The following PAX7 variants were observed in gnomAD, a reference collection of about 807,000 sequenced individuals.
PAX7 encodes paired box 7, also known as paired box protein Pax-7.
A neutral mutation model predicts 50.7 loss-of-function variants in PAX7; 18 were observed. The ratio of observed to expected loss-of-function variants is 0.36; its 90% CI spans 0.25 to 0.53. PAX7 has a LOEUF of 0.53. Ranked by LOEUF, PAX7 falls within the 20% of genes least tolerant of loss-of-function variation. The pLI is 0.93. For synonymous variants in PAX7, 310 were observed against 290.4 expected (o/e 1.07, Z -0.69); for missense variants, 644 against 702.9 (o/e 0.92, Z 0.95).
chr1:18,707,741 G>A (rs1325477723), intron 7 of PAX7, among the ~76,000 whole-genome samples: 1 of 152,100 alleles, frequency 6.6e-6, no homozygotes, highest in Non-Finnish European at 1.5e-5. Context: ...CTGAATCTTA[G>A]TTACTTGTTC....
chr1:18,744,659 C>CGGATGGATGGATGGATGGATGGATGGAT (rs57915192), intron 8 of PAX7, among the ~76,000 whole-genome samples, 155 bp from the exon 9 acceptor site: 1 of 91,004 alleles, frequency 1.1e-5, no homozygotes, highest in Non-Finnish European at 2.2e-5. Context: ...GTAGACAGGA[C>CGGATGGATGGATGGATGGATGGATGGAT]GGATGGATGG....
intron 7 of PAX7, among the ~76,000 whole-genome samples, chr1:18,717,018 G>T (rs1235923897): frequency 6.7e-6 from 1 of 149,804 alleles, no homozygotes; most frequent in Non-Finnish European, 1.5e-5. Context: ...GGATCCGCGC[G>T]GCCGCCCCTC....
Position 18,710,377 on chromosome 1 carries a change from C to G in PAX7, c.1155+7081C>G, listed in dbSNP as rs150701579. Among the ~76,000 whole-genome samples the G allele has an allele frequency of 8.3e-4, 127 of 152,286 alleles. 1 individual carries two copies. In the East Asian group the frequency reaches 0.023, roughly 27 times the overall value. On this transcript the variant is annotated intron_variant, in intron 7 of 8. Coordinates refer to ENST00000420770, the MANE Select transcript of PAX7 (RefSeq NM_001135254.2). ...GTGGACACTGGAGATTCCTACCTCT[C>G]TCTCCTATCACTTCCTCTTCATGCC...
intron 4 of PAX7, among the ~76,000 whole-genome samples, chr1:18,649,811 T>C (rs2088404093): frequency 6.6e-6 from 1 of 152,238 alleles, no homozygotes; most frequent in Admixed American, 6.5e-5. Context: ...CTCATGTAAA[T>C]GGCCCCATGC....
At chr1:18,732,071 A>G (rs761954867) in intron 7 of PAX7, among the ~76,000 whole-genome samples, 8 of 152,100 alleles carry the variant, frequency 5.3e-5, no homozygotes, top group Non-Finnish European at 1.0e-4. Flanking sequence ...CTCTGCCTGG[A>G]AAGCTCCCCT....
chr1:18,643,372 A>G (rs2088288018), intron 4 of PAX7, among the ~76,000 whole-genome samples: 1 of 152,166 alleles, frequency 6.6e-6, no homozygotes, highest in South Asian at 2.1e-4. Context: ...AGGGGTGGGG[A>G]GAGGCAGCGG....
At position 18,716,166 on chromosome 1, in the gene PAX7, A is replaced by G. The variant is rs965992676; in HGVS notation, c.1155+12870A>G. ...CCACCAGGGGAGTTCTGCTAAGGGC[A>G]GGGGAGGCTCCTCCCTTGGAGCTTT... On this transcript the variant is annotated intron_variant, in intron 7 of 8. Transcript: ENST00000420770. Among the ~76,000 whole-genome samples, 9 of 152,220 alleles carry G rather than the reference A, an allele frequency of 5.9e-5. 1 individual carries two copies. Among genetic ancestry groups the G allele is most frequent in the Non-Finnish European group, 1.2e-4 (8 of 68,038 alleles).
chr1:18,684,519 G>A (rs7522729), intron 4 of PAX7, among the ~76,000 whole-genome samples: 3 of 152,152 alleles, frequency 2.0e-5, no homozygotes, highest in Non-Finnish European at 4.4e-5. Flanking sequence ...CCCGTACACC[G>A]TGCGCTGGTT....
intron 8 of PAX7, among the ~76,000 whole-genome samples, chr1:18,741,239 G>A (rs9439686): frequency 0.066 from 10,068 of 152,056 alleles, 331 homozygotes; most frequent in Middle Eastern, 0.082. Flanking sequence ...ACCTGAGGTC[G>A]GGAGTTTGAG....
At chr1:18,724,589 G>A (rs945606164) in intron 7 of PAX7, among the ~76,000 whole-genome samples, 1 of 152,184 alleles carries the variant, frequency 6.6e-6, no homozygotes, top group African/African-American at 2.4e-5. Context: ...TGGTACTATG[G>A]AGGTAGGAAG....
rs552948023 is a variant in PAX7 at position 18,641,962 on chromosome 1, C to G, written c.586+5591C>G. ...TAAACCCGGATTAACCTCCCCCCCCCCAACTCCCGCGGCCCCCTCCCCTTT... is the reference window on the plus strand; with the variant it reads ...TAAACCCGGATTAACCTCCCCCCCCGCAACTCCCGCGGCCCCCTCCCCTTT... On this transcript the variant is annotated intron_variant, in intron 4 of 8. Transcript: ENST00000420770. Among the ~76,000 whole-genome samples, 388 of 151,520 alleles carry G rather than the reference C, an allele frequency of 2.6e-3. 5 individuals carry two copies. The highest frequency in any genetic ancestry group is 4.3e-3 in the Non-Finnish European group (295 of 67,874).
intron 7 of PAX7, among the ~76,000 whole-genome samples, chr1:18,724,818 A>G (rs1415371071): frequency 2.0e-5 from 3 of 152,228 alleles, no homozygotes; most frequent in Non-Finnish European, 2.9e-5. Flanking sequence ...AAGACATCTG[A>G]TCCTGGCCCT....
At chr1:18,631,729 C>G in intron 1 of PAX7, 41 bp downstream of exon 1, 1 of 1,532,048 alleles carries the variant, frequency 6.5e-7, no homozygotes, top group Non-Finnish European at 9.0e-7. Flanking sequence ...CTCCGCCGCC[C>G]GGAACTCGGG....
chr1:18,653,448 C>T (rs966904495), intron 4 of PAX7, among the ~76,000 whole-genome samples: 2 of 152,054 alleles, frequency 1.3e-5, no homozygotes, highest in African/African-American at 4.8e-5. Context: ...TGTGGTTAGA[C>T]TTGGGGGAGG....
chr1:18,700,623 G>A lies in PAX7; in HGVS notation c.787-30G>A. 1 of 1,490,478 alleles carries A rather than the reference G, an allele frequency of 6.7e-7. No homozygotes were observed. Among genetic ancestry groups the A allele is most frequent in the Non-Finnish European group, 8.9e-7 (1 of 1,118,318 alleles). The allele number at this position is 1,490,478 out of a possible 1,614,324, so 92.3% of individuals were successfully genotyped here. On this transcript the variant is annotated intron_variant, in intron 5 of 8. Coordinates refer to ENST00000420770, the MANE Select transcript of PAX7 (RefSeq NM_001135254.2). This position sits in a 1 kb window ranked among gnomAD's most constrained non-coding sequence, Gnocchi z 4.8. ...CTCTCTGCCAGGAACCTGGCCGAGG[G>A]GTCTCCATTCTCTGCTCTCCACCTC...
chr1:18,679,247 C>T (rs2088864465), intron 4 of PAX7, among the ~76,000 whole-genome samples: 2 of 152,134 alleles, frequency 1.3e-5, no homozygotes, highest in Non-Finnish European at 2.9e-5. Context: ...GACAGAGGGA[C>T]GAGGCCCAAA....
chr1:18,638,780 G>A (rs976946015), intron 4 of PAX7, among the ~76,000 whole-genome samples: 7 of 152,170 alleles, frequency 4.6e-5, no homozygotes, highest in African/African-American at 1.4e-4. Flanking sequence ...AATTGTATCC[G>A]TTTCCTATTT....
chr1:18,738,477 C>T (rs926610331), intron 8 of PAX7, among the ~76,000 whole-genome samples: 7 of 152,044 alleles, frequency 4.6e-5, no homozygotes, highest in Admixed American at 6.5e-5. Flanking sequence ...GCCTAGGAGG[C>T]GAGAAAGGAG....
At chr1:18,704,884 T>A (rs1364057278) in intron 7 of PAX7, among the ~76,000 whole-genome samples, 1 of 152,204 alleles carries the variant, frequency 6.6e-6, no homozygotes. Flanking sequence ...TGCCTCAATT[T>A]TCTCATCTAT....
Sources: gnomAD v4.1 joint callset for allele counts (sites outside exome capture counted in the v4.1 genomes callset) on GRCh38, gnomAD v4.1.1 for gene constraint, Gnocchi (gnomAD v3.1) non-coding constraint, MANE v1.5 for transcripts, NCBI Gene and HGNC (gene_info 2026-07-23, HGNC 2026-07-21) for gene names.